Variants in PIK3C2G observed in about 807,000 individuals in gnomAD.
The protein encoded by PIK3C2G is phosphatidylinositol 3-kinase C2 domain-containing subunit gamma.
A neutral mutation model predicts 181.1 loss-of-function variants in PIK3C2G; 168 were observed. That is an observed-to-expected ratio of 0.93 (90% CI 0.82 to 1.05). The LOEUF is 1.05. Ranked by LOEUF, PIK3C2G falls within the 50% of genes least tolerant of loss-of-function variation. The pLI, the probability that PIK3C2G is intolerant of heterozygous loss-of-function variation, is 0.00. For synonymous variants in PIK3C2G, 573 were observed against 592.2 expected, an observed-to-expected ratio of 0.97 and a Z score of 0.47; for missense variants, 1,869 against 1,732.8, an observed-to-expected ratio of 1.08 and a Z score of -1.40.
chr12:18,409,923 G>T (rs1289775149), intron 16 of PIK3C2G, among the ~76,000 whole-genome samples: 3 of 152,064 alleles, frequency 2.0e-5, no homozygotes, highest in Non-Finnish European at 4.4e-5. Flanking sequence ...GCAGGAGGAA[G>T]AGATGGGGAG....
intron 16 of PIK3C2G, among the ~76,000 whole-genome samples, chr12:18,406,486 C>G (rs746730008): frequency 2.8e-4 from 42 of 152,076 alleles, no homozygotes; most frequent in Non-Finnish European, 4.6e-4. Context: ...TAAATGGTGC[C>G]TCTTGGAAAA....
the PIK3C2G span, among the ~76,000 whole-genome samples, chr12:18,678,239 T>A: frequency 6.6e-6 from 1 of 152,086 alleles, no homozygotes; most frequent in Non-Finnish European, 1.5e-5. Flanking sequence ...CATTGTCACA[T>A]CTGAGCCAAA....
chr12:18,620,701 C>T (rs1948823104), intron 31 of PIK3C2G, among the ~76,000 whole-genome samples: 1 of 151,862 alleles, frequency 6.6e-6, no homozygotes, highest in Admixed American at 6.6e-5. Context: ...TCTGAATTTG[C>T]AAAGTGAGTT....
At chr12:18,700,512 C>CAAAAAAAAAAAAAAAAAAAAAAAAAAAA in the PIK3C2G span, among the ~76,000 whole-genome samples, 1 of 67,896 alleles carries the variant, frequency 1.5e-5, no homozygotes, top group Admixed American at 2.5e-4. Context: ...AGCCAACGTA[C>CAAAAAAAAAAAAAAAAAAAAAAAAAAAA]AAAAAAAAAA....
At chr12:18,596,800 G>C (rs187288855) in intron 30 of PIK3C2G, among the ~76,000 whole-genome samples, 1 of 152,010 alleles carries the variant, frequency 6.6e-6, no homozygotes, top group Admixed American at 6.6e-5. Flanking sequence ...CTAGCTACTC[G>C]CTCTGGCAGA....
chr12:18,411,277 T>A (rs900114961), intron 16 of PIK3C2G, among the ~76,000 whole-genome samples: 1 of 152,190 alleles, frequency 6.6e-6, no homozygotes, highest in Admixed American at 6.5e-5. Flanking sequence ...GAAAGCCTAA[T>A]GGCCTAGTGT....
chr12:18,545,307 G>C (rs948000086), intron 25 of PIK3C2G, among the ~76,000 whole-genome samples: 6 of 151,758 alleles, frequency 4.0e-5, no homozygotes, highest in Non-Finnish European at 7.4e-5. Context: ...AAAAAGAATA[G>C]TTTTTATACC....
At chr12:18,687,267 A>G in the PIK3C2G span, among the ~76,000 whole-genome samples, 1 of 152,150 alleles carries the variant, frequency 6.6e-6, no homozygotes, top group Non-Finnish European at 1.5e-5. Context: ...AGAAATTATT[A>G]TCCAAGAAGA....
chr12:18,560,956 C>T (rs1052500791), intron 26 of PIK3C2G, among the ~76,000 whole-genome samples: 9 of 152,068 alleles, frequency 5.9e-5, no homozygotes, highest in African/African-American at 2.2e-4. Context: ...AACAGTAATC[C>T]TTTATTCCAG....
chr12:18,501,325 G>A (rs982244884), intron 22 of PIK3C2G, among the ~76,000 whole-genome samples: 3 of 152,170 alleles, frequency 2.0e-5, no homozygotes, highest in Non-Finnish European at 2.9e-5. Flanking sequence ...AAAAGGGGGA[G>A]AATGGGGTAC....
At chr12:18,715,168 T>TGGG in the PIK3C2G span, among the ~76,000 whole-genome samples, 1 of 1,602 alleles carries the variant, frequency 6.2e-4, no homozygotes, top group Non-Finnish European at 5.6e-3. Flanking sequence ...AGAAAGGCGG[T>TGGG]GGGGGGGGGG....
chr12:18,489,167 T>C (rs1262061796), intron 19 of PIK3C2G, among the ~76,000 whole-genome samples: 1 of 152,076 alleles, frequency 6.6e-6, no homozygotes, highest in Non-Finnish European at 1.5e-5. Context: ...TGGAAGAATA[T>C]TTGCTCTTTT....
intron 18 of PIK3C2G, among the ~76,000 whole-genome samples, chr12:18,456,871 T>C (rs893224935): frequency 2.6e-5 from 4 of 152,162 alleles, no homozygotes; most frequent in African/African-American, 4.8e-5. Flanking sequence ...ACGGCTGAAA[T>C]AATTTCTTTT....
the PIK3C2G span, among the ~76,000 whole-genome samples, chr12:18,667,034 A>G: frequency 6.6e-6 from 1 of 152,178 alleles, no homozygotes; most frequent in Non-Finnish European, 1.5e-5. Flanking sequence ...TGTAGGCTAT[A>G]TCACCAGACA....
chr12:18,696,269 G>A, the PIK3C2G span: 1 of 1,386,984 alleles, frequency 7.2e-7, no homozygotes, highest in South Asian at 1.2e-5. Flanking sequence ...CTCATGGACT[G>A]AAAAAGAATA....
At chr12:18,366,741 A>T (rs367818633) in intron 12 of PIK3C2G, among the ~76,000 whole-genome samples, 1 of 148,556 alleles carries the variant, frequency 6.7e-6, no homozygotes, top group African/African-American at 2.5e-5. Context: ...CCTTGGTTTA[A>T]AAAAAAAAAG....
At chr12:18,666,887 A>C in the PIK3C2G span, among the ~76,000 whole-genome samples, 1 of 152,186 alleles carries the variant, frequency 6.6e-6, no homozygotes, top group South Asian at 2.1e-4. Context: ...GTAAACCTAA[A>C]ACTGTTAAGT....
At chr12:18,691,020 A>T in the PIK3C2G span, among the ~76,000 whole-genome samples, 1 of 152,336 alleles carries the variant, frequency 6.6e-6, no homozygotes, top group Non-Finnish European at 1.5e-5. Context: ...GGACTGAGAC[A>T]GGCTACCTGA....
intron 1 of PIK3C2G, among the ~76,000 whole-genome samples, chr12:18,274,416 A>G (rs1948886074): frequency 6.6e-6 from 1 of 152,214 alleles, no homozygotes; most frequent in Admixed American, 6.5e-5. Context: ...ATGTCCAACA[A>G]TGATAGACTG....
Sources: allele counts gnomAD v4.1 joint callset (sites outside exome capture counted in the v4.1 genomes callset), GRCh38; gene constraint gnomAD v4.1.1; transcripts MANE v1.5; gene names NCBI Gene and HGNC (gene_info 2026-07-23, HGNC 2026-07-21).